Variants in PAFAH1B1 observed in about 807,000 individuals in gnomAD.
The protein encoded by PAFAH1B1 is platelet-activating factor acetylhydrolase IB subunit beta.
In PAFAH1B1, 2 loss-of-function variants were observed where a neutral mutation model predicts 57.5. The observed-to-expected ratio is 0.03, with a 90% confidence interval of 0.01 to 0.11. The LOEUF (loss-of-function observed/expected upper bound fraction) is 0.11. Ranked by LOEUF, PAFAH1B1 falls within the 10% of genes least tolerant of loss-of-function variation. PAFAH1B1 has a pLI of 1.00. For missense variants in PAFAH1B1, 257 were observed against 512.0 expected, an observed-to-expected ratio of 0.50 and a Z score of 4.81; for synonymous variants, 152 against 169.6, an observed-to-expected ratio of 0.90 and a Z score of 0.81.
intron 7 of PAFAH1B1, among the ~76,000 whole-genome samples, chr17:2,673,193 A>T (rs966434625): frequency 6.6e-6 from 1 of 152,244 alleles, no homozygotes; most frequent in African/African-American, 2.4e-5. Context: ...AATATACTTT[A>T]AAACTAAGTT....
At position 2,661,544 on chromosome 17, in the gene PAFAH1B1, A is replaced by G. The variant is rs1402373689; in HGVS notation, c.33-3828A>G. Among the ~76,000 whole-genome samples the G allele has an allele frequency of 3.3e-5, 5 of 152,138 alleles. No homozygotes were observed. In the South Asian group the frequency reaches 8.3e-4, roughly 25 times the overall value. ...GTGTGTCTGTTTTGGTACCAGTAGC[A>G]TGCTGTTTTGGTTACTGTAGCCTTG... On this transcript the variant is annotated intron_variant, in intron 2 of 10. Transcript: ENST00000397195.
At chr17:2,669,825 C>T (rs566818584) in intron 5 of PAFAH1B1, among the ~76,000 whole-genome samples, 26 of 152,098 alleles carry the variant, frequency 1.7e-4, no homozygotes, top group Admixed American at 1.6e-3. Context: ...TTATTTCTTC[C>T]CCTTAAGTTT....
At chr17:2,653,200 C>CGT (rs1430199280) in intron 2 of PAFAH1B1, among the ~76,000 whole-genome samples, 1 of 152,038 alleles carries the variant, frequency 6.6e-6, no homozygotes, top group Non-Finnish European at 1.5e-5. Flanking sequence ...TGTTCTCACT[C>CGT]ATAGGTGGGA....
chr17:2,609,744 T>C (rs886295528), intron 1 of PAFAH1B1, among the ~76,000 whole-genome samples: 4 of 151,418 alleles, frequency 2.6e-5, no homozygotes, highest in African/African-American at 7.3e-5. Context: ...ACTCCTGACC[T>C]CGTGATCCAC....
intron 2 of PAFAH1B1, among the ~76,000 whole-genome samples, chr17:2,650,196 C>G (rs181256450): frequency 6.6e-6 from 1 of 152,240 alleles, no homozygotes; most frequent in African/African-American, 2.4e-5. Context: ...AAGATTTTAT[C>G]TTTACAAAAA....
intron 1 of PAFAH1B1, among the ~76,000 whole-genome samples, chr17:2,601,239 A>G (rs1230153209): frequency 6.6e-6 from 1 of 151,290 alleles, no homozygotes; most frequent in African/African-American, 2.4e-5. Context: ...GGTTCAAGTG[A>G]TTTTCCTGCC....
chr17:2,644,078 A>G (rs1054216950), intron 2 of PAFAH1B1, among the ~76,000 whole-genome samples: 3 of 150,666 alleles, frequency 2.0e-5, no homozygotes, highest in African/African-American at 7.3e-5. Context: ...AAGTCTTGCT[A>G]TGTTGCCCAC....
intron 9 of PAFAH1B1, among the ~76,000 whole-genome samples, chr17:2,678,114 G>C (rs144732126): frequency 6.6e-6 from 1 of 150,854 alleles, no homozygotes. Flanking sequence ...AAAATTAGCC[G>C]GGCGTGGCCA....
intron 1 of PAFAH1B1, among the ~76,000 whole-genome samples, chr17:2,595,245 A>G (rs2068071879): frequency 6.6e-6 from 1 of 152,010 alleles, no homozygotes; most frequent in African/African-American, 2.4e-5. Context: ...TTGGAGTTTC[A>G]TAAGGTTTTA....
intron 1 of PAFAH1B1, among the ~76,000 whole-genome samples, chr17:2,615,811 G>T (rs1471056243): frequency 6.6e-6 from 1 of 152,150 alleles, no homozygotes; most frequent in Non-Finnish European, 1.5e-5. Flanking sequence ...AACACATCTG[G>T]GATGAAGATT....
rs568780002 is a variant in PAFAH1B1, at chr17:2,664,593, C to T, written c.33-779C>T. 4.6e-5 allele frequency among the ~76,000 whole-genome samples: 7 copies of T among 150,582 alleles called. No homozygotes were observed. The East Asian group carries it at 7.9e-4, about 17-fold the overall frequency. On this transcript the variant is annotated intron_variant, in intron 2 of 10. Transcript: ENST00000397195. ...CTAATTTTTGTATTTTTAGTGGAGA[C>T]GGGGTTTCACCATGTTGGCCAGGCT...
intron 2 of PAFAH1B1, among the ~76,000 whole-genome samples, chr17:2,645,506 T>C (rs753309806): frequency 5.3e-5 from 8 of 150,930 alleles, no homozygotes; most frequent in Non-Finnish European, 1.0e-4. Flanking sequence ...GGCACAAGAA[T>C]CACTTGAACC....
intron 2 of PAFAH1B1, among the ~76,000 whole-genome samples, chr17:2,655,187 G>A (rs1039488950): frequency 1.5e-5 from 2 of 137,334 alleles, no homozygotes; most frequent in African/African-American, 6.0e-5. Context: ...ACATATATGT[G>A]TGTGTGTGTG....
At chr17:2,611,769 A>G (rs191222801) in intron 1 of PAFAH1B1, among the ~76,000 whole-genome samples, 4 of 152,348 alleles carry the variant, frequency 2.6e-5, no homozygotes, top group Admixed American at 2.6e-4. Flanking sequence ...GTTTAGAAAC[A>G]CTAATTACCA....
rs189743843 is a variant in PAFAH1B1, at chr17:2,684,662, A to G, written c.*2860A>G. The G allele has an allele frequency of 2.0e-5, 3 of 152,740 alleles. No individual in the cohort carries two copies. Among genetic ancestry groups the G allele is most frequent in the Admixed American group, 6.5e-5 (1 of 15,290 alleles). 9.5% of individuals were successfully genotyped at this position (152,740 alleles called of 1,614,324 possible). Reference sequence around the variant, plus strand: ...GCGTGGAGCCTAGTTGCCTGTTGTCACGGCATCTTGCACTTTAGGAGACTA... The same window carrying G: ...GCGTGGAGCCTAGTTGCCTGTTGTCGCGGCATCTTGCACTTTAGGAGACTA... On this transcript the variant is annotated 3_prime_UTR_variant, in exon 11 of 11. Coordinates refer to ENST00000397195, the MANE Select transcript of PAFAH1B1 (RefSeq NM_000430.4).
intron 1 of PAFAH1B1, among the ~76,000 whole-genome samples, chr17:2,605,515 A>G (rs2068194831): frequency 6.6e-6 from 1 of 152,194 alleles, no homozygotes; most frequent in Admixed American, 6.5e-5. Context: ...CTTCTCTTAC[A>G]TGTCCTGGCT....
At chr17:2,602,662 C>T (rs1352660554) in intron 1 of PAFAH1B1, among the ~76,000 whole-genome samples, 3 of 152,210 alleles carry the variant, frequency 2.0e-5, no homozygotes, top group Non-Finnish European at 2.9e-5. Flanking sequence ...AGTCCCCAGT[C>T]ATCTATCTAA....
chr17:2,665,347 G>A (rs2069092339), intron 2 of PAFAH1B1, 25 bp from the exon 3 acceptor site: 1 of 1,314,342 alleles, frequency 7.6e-7, no homozygotes, highest in Non-Finnish European at 1.1e-6. Flanking sequence ...CTTTTTTTTA[G>A]GAGTCATTTG....
chr17:2,684,691 C>T lies in PAFAH1B1; in HGVS notation c.*2889C>T. ...CATCTTGCACTTTAGGAGACTAAGA[C>T]CGTCCTGGTTCGTCTGTGTGTGGTG... On this transcript the variant is annotated 3_prime_UTR_variant, in exon 11 of 11. Transcript: ENST00000397195. 1 of 152,646 alleles carries T rather than the reference C, an allele frequency of 6.6e-6. No individual in the cohort carries two copies. Among genetic ancestry groups the T allele is most frequent in the East Asian group, 1.9e-4 (1 of 5,190 alleles). The allele number at this position is 152,646 out of a possible 1,614,324, so 9.5% of individuals were successfully genotyped here.
Sources: allele counts gnomAD v4.1 joint callset (sites outside exome capture counted in the v4.1 genomes callset), GRCh38; gene constraint gnomAD v4.1.1; transcripts MANE v1.5; gene names NCBI Gene and HGNC (gene_info 2026-07-23, HGNC 2026-07-21).